Variants in TENM3 observed in about 807,000 individuals in gnomAD.
TENM3 encodes the protein teneurin-3.
Under a neutral mutation model 255.1 loss-of-function variants are expected in TENM3, and 63 were observed. The observed-to-expected ratio is 0.25, with a 90% CI of 0.20 to 0.30. The LOEUF is 0.30. Among genes scored for constraint, TENM3 ranks in the 10% least tolerant of loss-of-function variants. TENM3 has a pLI of 1.00. For synonymous variants in TENM3, 1,306 were observed against 1,322.3 expected, an observed-to-expected ratio of 0.99 and a Z score of 0.27; for missense variants, 2,929 against 3,461.1, an observed-to-expected ratio of 0.85 and a Z score of 3.86.
At chr4:182,457,998 T>C (rs1774007473) in intron 3 of TENM3, among the ~76,000 whole-genome samples, 1 of 152,240 alleles carries the variant, frequency 6.6e-6, no homozygotes, top group Admixed American at 6.5e-5. Flanking sequence ...AGTCTATAAC[T>C]TTTCATAAAC....
chr4:182,690,415 A>C (rs1275045118), intron 12 of TENM3, among the ~76,000 whole-genome samples: 1 of 152,120 alleles, frequency 6.6e-6, no homozygotes, highest in Non-Finnish European at 1.5e-5. Flanking sequence ...ATACCTCTAT[A>C]ACCAAACAGC....
At chr4:181,885,560 CG>C in the TENM3 span, among the ~76,000 whole-genome samples, 1 of 152,002 alleles carries the variant, frequency 6.6e-6, no homozygotes, top group Middle Eastern at 3.2e-3. Flanking sequence ...CGCGCCTGGC[CG>C]AGATTCAAGA....
At chr4:181,752,273 A>T in the TENM3 span, among the ~76,000 whole-genome samples, 1 of 152,130 alleles carries the variant, frequency 6.6e-6, no homozygotes, top group African/African-American at 2.4e-5. Context: ...TTAAAATGGA[A>T]TGTAGGTATC....
chr4:181,481,970 C>G, the TENM3 span, among the ~76,000 whole-genome samples: 4 of 152,008 alleles, frequency 2.6e-5, no homozygotes, highest in African/African-American at 9.7e-5. Flanking sequence ...AGTTAATTAG[C>G]AAAGCAGTCA....
At chr4:181,844,774 G>T in the TENM3 span, among the ~76,000 whole-genome samples, 1 of 152,176 alleles carries the variant, frequency 6.6e-6, no homozygotes, top group African/African-American at 2.4e-5. Context: ...AATCTCCCAA[G>T]ATGCTCTTCG....
At chr4:181,737,467 T>C in the TENM3 span, among the ~76,000 whole-genome samples, 1 of 152,056 alleles carries the variant, frequency 6.6e-6, no homozygotes. Context: ...AAGGAATGTA[T>C]AATAGAGTGG....
intron 1 of TENM3, among the ~76,000 whole-genome samples, chr4:182,228,229 CT>C (rs1756314700): frequency 6.6e-6 from 1 of 151,848 alleles, no homozygotes. Flanking sequence ...TAGATTTTAG[CT>C]GTTCTTGCCA....
At chr4:182,564,764 A>G (rs1423250983) in intron 3 of TENM3, among the ~76,000 whole-genome samples, 3 of 152,126 alleles carry the variant, frequency 2.0e-5, no homozygotes, top group African/African-American at 4.8e-5. Flanking sequence ...TCCATCTGGT[A>G]GTTGATCTGC....
Position 182,789,322 on chromosome 4 carries a change from G to A in TENM3, c.5534G>A (p.Gly1845Glu). 1 of 1,613,896 alleles carries A rather than the reference G, an allele frequency of 6.2e-7. No individual in the cohort carries two copies. Among genetic ancestry groups the A allele is most frequent in the Non-Finnish European group, 8.5e-7 (1 of 1,179,874 alleles). The part of the protein sequence containing the change: ...GTTSEKVDYD[G>E]QGRIVSRVFA... ...ACTAGCGAGAAAGTAGATTATGACG[G>A]ACAGGGGAGGATCGTGTCTCGGGTC... Residue 1845 changes from glycine to glutamate, a missense_variant, in exon 25 of 28, where the codon GGA (glycine) becomes GAA (glutamate). Gly to Glu is a moderately conservative substitution (Grantham distance 98). Around this residue, in one of 6 missense-constraint regions of TENM3, gnomAD observed 303 missense variants for 425.2 expected, o/e 0.71. Transcript: ENST00000511685. The surrounding 1 kb of genome is among the most constrained non-coding windows in gnomAD (Gnocchi z 4.4).
the TENM3 span, among the ~76,000 whole-genome samples, chr4:181,622,236 C>G: frequency 6.6e-6 from 1 of 152,138 alleles, no homozygotes; most frequent in Admixed American, 6.5e-5. Context: ...TATGTGTGCC[C>G]CACTGCCTCT....
the TENM3 span, among the ~76,000 whole-genome samples, chr4:181,478,587 C>T: frequency 2.0e-5 from 3 of 152,298 alleles, no homozygotes; most frequent in East Asian, 5.8e-4. Context: ...CGGCCATTTT[C>T]AATCCTTCAT....
chr4:182,540,762 T>C (rs1740799613), intron 3 of TENM3, among the ~76,000 whole-genome samples: 1 of 152,100 alleles, frequency 6.6e-6, no homozygotes, highest in Non-Finnish European at 1.5e-5. Flanking sequence ...TGCATATACA[T>C]ATATGGCTTC....
At chr4:181,913,703 G>A in the TENM3 span, among the ~76,000 whole-genome samples, 1 of 152,130 alleles carries the variant, frequency 6.6e-6, no homozygotes, top group Non-Finnish European at 1.5e-5. Flanking sequence ...GGCAAGGAGG[G>A]TAAGGAACGA....
the TENM3 span, among the ~76,000 whole-genome samples, chr4:181,451,675 G>A: frequency 6.6e-6 from 1 of 152,014 alleles, no homozygotes. Context: ...GAAGAGAAGG[G>A]GCCAACAATG....
chr4:182,180,516 C>A (rs953713548), intron 1 of TENM3, among the ~76,000 whole-genome samples: 18 of 151,912 alleles, frequency 1.2e-4, no homozygotes, highest in Admixed American at 2.6e-4. Context: ...TTTTTTAATA[C>A]TTCTTTAATT....
chr4:182,261,408 G>A (rs1423070211), intron 1 of TENM3, among the ~76,000 whole-genome samples: 1 of 152,130 alleles, frequency 6.6e-6, no homozygotes, highest in East Asian at 1.9e-4. Context: ...TGAGGGTGAT[G>A]TCTCCCCTGT....
At chr4:182,041,124 C>A in the TENM3 span, among the ~76,000 whole-genome samples, 1 of 152,084 alleles carries the variant, frequency 6.6e-6, no homozygotes, top group East Asian at 1.9e-4. Context: ...ACAGCGTAAC[C>A]TAAGATCTAA....
At position 182,719,922 on chromosome 4, in the gene TENM3, G is replaced by A. The variant is rs143501756; in HGVS notation, c.2368+5689G>A. Among the ~76,000 whole-genome samples, 345 of 152,058 alleles carry A rather than the reference G, an allele frequency of 2.3e-3. 2 individuals carry two copies. The highest frequency in any genetic ancestry group is 8.7e-4 in the Non-Finnish European group (59 of 67,970). The stretch of plus-strand genomic sequence containing the variant: ...CAAAAAATATAAAAATCAGGCAGGC[G>A]TGGTGGCACACGCCTGTAGTCCGAG... On this transcript the variant is annotated intron_variant, in intron 13 of 27. Coordinates refer to ENST00000511685, the MANE Select transcript of TENM3 (RefSeq NM_001080477.4).
Position 182,624,401 on chromosome 4 carries a change from C to T in TENM3, c.750-4250C>T, listed in dbSNP as rs1750625355. Among the ~76,000 whole-genome samples the T allele has an allele frequency of 2.6e-5, 4 of 152,296 alleles. No homozygotes were observed. In the South Asian group the frequency reaches 8.3e-4, roughly 32 times the overall value. On this transcript the variant is annotated intron_variant, in intron 4 of 27. Coordinates refer to ENST00000511685, the MANE Select transcript of TENM3 (RefSeq NM_001080477.4). ...GTTTTGCGTGTTTCTCTACACGCAG[C>T]TTTGCCAGGTAGCTCTCTCTGCTAC...
Sources: gnomAD v4.1 joint callset for allele counts (sites outside exome capture counted in the v4.1 genomes callset) on GRCh38, gnomAD v4.1.1 for gene constraint, gnomAD v4.1.1 regional missense constraint, Gnocchi (gnomAD v3.1) non-coding constraint, MANE v1.5 for transcripts, NCBI Gene and HGNC (gene_info 2026-07-23, HGNC 2026-07-21) for gene names.